Variants in CDKAL1 observed in about 807,000 individuals in gnomAD.
CDKAL1 encodes the protein CDKAL1 threonylcarbamoyladenosine tRNA methylthiotransferase, also known as threonylcarbamoyladenosine tRNA methylthiotransferase.
Under a neutral mutation model 68.2 loss-of-function variants are expected in CDKAL1, and 32 were observed. The ratio of observed to expected loss-of-function variants is 0.47; its 90% CI spans 0.35 to 0.63. CDKAL1 has a LOEUF of 0.63. CDKAL1 is among the 30% of genes least tolerant of loss of function. The pLI is 0.00. For missense variants in CDKAL1, 606 were observed against 696.7 expected, an observed-to-expected ratio of 0.87 and a Z score of 1.47; for synonymous variants, 234 against 244.3, an observed-to-expected ratio of 0.96 and a Z score of 0.39.
chr6:21,102,825 C>A lies in CDKAL1; in HGVS notation c.1237-5576C>A, dbSNP rs1023471678. Among the ~76,000 whole-genome samples the A allele has an allele frequency of 3.3e-5, 5 of 152,182 alleles. No individual in the cohort carries two copies. The South Asian group carries it at 1.0e-3, about 32-fold the overall frequency. On this transcript the variant is annotated intron_variant, in intron 12 of 15. Coordinates refer to ENST00000274695, the MANE Select transcript of CDKAL1 (RefSeq NM_017774.3). ...CTATTCTGAACCTGATTGTCCAGTT[C>A]GTGAGTTGCCTTGGCTCCTTATCTT...
chr6:20,543,739 T>C (rs1431220370), intron 2 of CDKAL1, among the ~76,000 whole-genome samples: 2 of 144,780 alleles, frequency 1.4e-5, no homozygotes, highest in African/African-American at 5.2e-5. Flanking sequence ...TACATTTTTT[T>C]TTTTTTTTTT....
chr6:20,791,683 A>G (rs1419196339), intron 8 of CDKAL1, among the ~76,000 whole-genome samples: 1 of 152,124 alleles, frequency 6.6e-6, no homozygotes, highest in Non-Finnish European at 1.5e-5. Flanking sequence ...CTGTGTATCT[A>G]TGTTGTATTG....
chr6:20,914,730 CATA>C (rs1257850898), intron 9 of CDKAL1, among the ~76,000 whole-genome samples: 2 of 152,176 alleles, frequency 1.3e-5, no homozygotes, highest in Non-Finnish European at 2.9e-5. Flanking sequence ...CCGCATAGAA[CATA>C]ATAACAGTTT....
chr6:20,777,060 G>GC (rs1258341812), intron 7 of CDKAL1, among the ~76,000 whole-genome samples: 1 of 152,198 alleles, frequency 6.6e-6, no homozygotes, highest in Non-Finnish European at 1.5e-5. Context: ...AGACGGACTA[G>GC]CCAGGGTTTT....
chr6:20,664,084 G>A (rs1453001713), intron 5 of CDKAL1, among the ~76,000 whole-genome samples: 5 of 152,022 alleles, frequency 3.3e-5, no homozygotes, highest in Non-Finnish European at 5.9e-5. Context: ...TTATCAGAGG[G>A]ATATTAACGC....
chr6:21,068,637 A>G (rs1311162720), intron 12 of CDKAL1, among the ~76,000 whole-genome samples: 1 of 152,190 alleles, frequency 6.6e-6, no homozygotes, highest in Non-Finnish European at 1.5e-5. Context: ...ATAGCTTTAT[A>G]GTAAGTCTTG....
intron 13 of CDKAL1, among the ~76,000 whole-genome samples, chr6:21,159,117 T>A (rs1370701033): frequency 1.3e-5 from 2 of 149,668 alleles, no homozygotes; most frequent in Non-Finnish European, 3.0e-5. Context: ...TTTTTTTTTT[T>A]AATTTTTTTA....
chr6:21,197,258 C>T (rs952120472), intron 13 of CDKAL1, among the ~76,000 whole-genome samples: 7 of 152,106 alleles, frequency 4.6e-5, no homozygotes, highest in African/African-American at 1.7e-4. Context: ...AGAATAGTCA[C>T]ACTTCTTTAC....
intron 9 of CDKAL1, among the ~76,000 whole-genome samples, chr6:20,893,810 T>G (rs560535169): frequency 6.6e-6 from 1 of 152,258 alleles, no homozygotes; most frequent in Non-Finnish European, 1.5e-5. Context: ...CTAAGCACAG[T>G]CTTGGGCATG....
rs547923386 is a variant in CDKAL1 at position 21,093,694 on chromosome 6, C to CT, written c.1237-14667dup. 8.6e-4 allele frequency among the ~76,000 whole-genome samples: 76 copies of CT among 88,086 alleles called. 5 individuals carry two copies. Among genetic ancestry groups the CT allele is most frequent in the Non-Finnish European group, 1.3e-3 (59 of 45,340 alleles). The allele number at this position is 88,086 out of a possible 152,430, so 57.8% of individuals were successfully genotyped here. On this transcript the variant is annotated intron_variant, in intron 12 of 15. Transcript: ENST00000274695. ...ATAACCAACTGAGCTGCTGCTGCTG[C>CT]TTTTTTTTTTTTTTTTTTTTTTTTT...
chr6:21,079,564 C>T (rs1458760168), intron 12 of CDKAL1, among the ~76,000 whole-genome samples: 1 of 152,206 alleles, frequency 6.6e-6, no homozygotes, highest in Non-Finnish European at 1.5e-5. Context: ...AAAACATTAA[C>T]TCATGCCACA....
intron 5 of CDKAL1, among the ~76,000 whole-genome samples, chr6:20,726,904 C>T (rs1772681346): frequency 6.6e-6 from 1 of 152,164 alleles, no homozygotes; most frequent in Non-Finnish European, 1.5e-5. Flanking sequence ...ATTTCACTAT[C>T]TATATCAAAA....
At chr6:21,127,074 C>T (rs1775050417) in intron 13 of CDKAL1, among the ~76,000 whole-genome samples, 1 of 152,132 alleles carries the variant, frequency 6.6e-6, no homozygotes. Flanking sequence ...CAAACCTGGT[C>T]GATTTGGGTT....
chr6:20,943,372 ATTTG>A (rs1231132552), intron 9 of CDKAL1, among the ~76,000 whole-genome samples: 9 of 150,526 alleles, frequency 6.0e-5, no homozygotes, highest in South Asian at 2.1e-4. Context: ...AAAAAAAGTA[ATTTG>A]TTTGTGTACT....
intron 10 of CDKAL1, among the ~76,000 whole-genome samples, chr6:20,987,911 C>G (rs1766562961): frequency 1.3e-5 from 2 of 150,286 alleles, no homozygotes; most frequent in Admixed American, 1.3e-4. Flanking sequence ...TCCCAAGTAG[C>G]TGGAACTCCA....
At chr6:20,601,541 A>T (rs1309827086) in intron 4 of CDKAL1, among the ~76,000 whole-genome samples, 1 of 152,068 alleles carries the variant, frequency 6.6e-6, no homozygotes, top group African/African-American at 2.4e-5. Context: ...CTTGGAGAGG[A>T]GGGGATTCAG....
At chr6:21,135,319 G>A (rs1021512845) in intron 13 of CDKAL1, among the ~76,000 whole-genome samples, 5 of 152,112 alleles carry the variant, frequency 3.3e-5, no homozygotes, top group Non-Finnish European at 7.4e-5. Context: ...TTGTTTGTGA[G>A]GGTCACATGA....
At chr6:20,846,027 T>C (rs764768573) in intron 8 of CDKAL1, 48 bp from the exon 9 acceptor site, 4 of 1,182,542 alleles carry the variant, frequency 3.4e-6, no homozygotes, top group African/African-American at 1.5e-5. Context: ...GTTAAGTATA[T>C]GCTATCTTTA....
chr6:20,689,630 A>G lies in CDKAL1; in HGVS notation c.371+40253A>G, dbSNP rs377046167. ...GGGGCAAAACTGTAATGTTCATTTCATGAGTATTATATATAATTTCCACCT... is the reference window on the plus strand; with the variant it reads ...GGGGCAAAACTGTAATGTTCATTTCGTGAGTATTATATATAATTTCCACCT... On this transcript the variant is annotated intron_variant, in intron 5 of 15. Transcript: ENST00000274695. 3.2e-4 allele frequency among the ~76,000 whole-genome samples: 49 copies of G among 152,294 alleles called. No homozygotes were observed. The South Asian group carries it at 1.0e-2, about 31-fold the overall frequency.
Sources: allele counts gnomAD v4.1 joint callset (sites outside exome capture counted in the v4.1 genomes callset), GRCh38; gene constraint gnomAD v4.1.1; transcripts MANE v1.5; gene names NCBI Gene and HGNC (gene_info 2026-07-23, HGNC 2026-07-21).